The following ERAP1 variants were observed in gnomAD, a reference collection of about 807,000 sequenced individuals.
The protein encoded by ERAP1 is endoplasmic reticulum aminopeptidase 1, also known as adipocyte-derived leucine aminopeptidase.
Under a neutral mutation model 103.7 loss-of-function variants are expected in ERAP1, and 86 were observed. The ratio of observed to expected loss-of-function variants is 0.83; its 90% CI spans 0.70 to 0.99. The LOEUF is 0.99. Among genes scored for constraint, ERAP1 ranks in the 50% least tolerant of loss-of-function variants. The pLI, the probability that ERAP1 is intolerant of heterozygous loss-of-function variation, is 0.00. For missense variants in ERAP1, 1,009 were observed against 1,128.4 expected (o/e 0.89, Z 1.52); for synonymous variants, 398 against 402.4 (o/e 0.99, Z 0.13).
At chr5:96,840,300 T>C in the ERAP1 span, among the ~76,000 whole-genome samples, 1 of 152,210 alleles carries the variant, frequency 6.6e-6, no homozygotes, top group Non-Finnish European at 1.5e-5. Context: ...TTACAGTTCA[T>C]CAGCCCCAGA....
chr5:96,801,602 T>C (rs1478803670), intron 2 of ERAP1, among the ~76,000 whole-genome samples: 1 of 151,896 alleles, frequency 6.6e-6, no homozygotes, highest in Non-Finnish European at 1.5e-5. Context: ...ACCTGTAATC[T>C]TGGCACTTTG....
chr5:96,811,786 C>A (rs540571663), upstream of ERAP1, among the ~76,000 whole-genome samples: 5 of 152,320 alleles, frequency 3.3e-5, no homozygotes, highest in South Asian at 1.0e-3. Flanking sequence ...ATTCTAGGTG[C>A]CACGAGGACT....
intron 17 of ERAP1, 32 bp from the exon 18 acceptor site, chr5:96,780,536 G>T: frequency 6.6e-7 from 1 of 1,504,606 alleles, no homozygotes; most frequent in Non-Finnish European, 9.3e-7. Context: ...AACGGGTTGT[G>T]AAATACTTAT....
the ERAP1 span, among the ~76,000 whole-genome samples, chr5:96,837,737 T>C: frequency 2.6e-5 from 4 of 152,212 alleles, no homozygotes; most frequent in African/African-American, 9.7e-5. Flanking sequence ...TTCGCACCTG[T>C]GCCAGAGTTC....
At chr5:96,830,114 T>C in the ERAP1 span, among the ~76,000 whole-genome samples, 2 of 152,120 alleles carry the variant, frequency 1.3e-5, no homozygotes, top group Non-Finnish European at 2.9e-5. Flanking sequence ...GGGACCCTGG[T>C]AAATATCTCA....
At chr5:96,860,422 T>G in the ERAP1 span, among the ~76,000 whole-genome samples, 2 of 152,170 alleles carry the variant, frequency 1.3e-5, no homozygotes, top group Admixed American at 6.5e-5. Context: ...TAATTATATT[T>G]ATAATGATAA....
the ERAP1 span, among the ~76,000 whole-genome samples, chr5:96,869,545 G>A: frequency 6.6e-6 from 1 of 152,222 alleles, no homozygotes; most frequent in South Asian, 2.1e-4. Context: ...TTATAGAAAA[G>A]GATGGTAGAA....
chr5:96,854,516 T>C, the ERAP1 span, among the ~76,000 whole-genome samples: 1 of 152,168 alleles, frequency 6.6e-6, no homozygotes, highest in Non-Finnish European at 1.5e-5. Context: ...AAATGCCAAG[T>C]ATAGGCATCT....
the ERAP1 span, among the ~76,000 whole-genome samples, chr5:96,908,632 T>C: frequency 1.3e-5 from 2 of 152,234 alleles, no homozygotes; most frequent in Non-Finnish European, 2.9e-5. Flanking sequence ...TATTGGCTAA[T>C]ATTTATTTCA....
chr5:96,905,944 ATTTTTTT>A, the ERAP1 span, among the ~76,000 whole-genome samples: 1 of 139,602 alleles, frequency 7.2e-6, no homozygotes, highest in Non-Finnish European at 1.5e-5. Flanking sequence ...TTTCTTTTTA[ATTTTTTT>A]TTTTTTTTGT....
intron 3 of ERAP1, among the ~76,000 whole-genome samples, chr5:96,798,141 CG>C (rs1777553155): frequency 6.6e-6 from 1 of 151,788 alleles, no homozygotes; most frequent in Non-Finnish European, 1.5e-5. Context: ...CTGGCTAACA[CG>C]GTGGAACCCC....
chr5:96,878,978 G>A, the ERAP1 span, among the ~76,000 whole-genome samples: 1 of 152,098 alleles, frequency 6.6e-6, no homozygotes, highest in Non-Finnish European at 1.5e-5. Context: ...AGTGGCTCAC[G>A]CTTGTAATCC....
chr5:96,782,453 A>C, intron 15 of ERAP1, among the ~76,000 whole-genome samples: 1 of 152,360 alleles, frequency 6.6e-6, no homozygotes, highest in East Asian at 1.9e-4. Context: ...ATAGGGGATC[A>C]CCTTTCAAGC....
chr5:96,800,971 G>C lies in ERAP1; in HGVS notation c.554C>G (p.Thr185Ser). ...RILASTQFEP[T>S]AARMAFPCFD... ...GCAGGGAAAGGCCATTCTAGCTGCAGTGGGTTCAAATTGTGTTGATGCTAG... is the reference window on the plus strand; with the variant it reads ...GCAGGGAAAGGCCATTCTAGCTGCACTGGGTTCAAATTGTGTTGATGCTAG... Residue 185 changes from threonine to serine, a missense_variant, in exon 3 of 19, where the codon ACT becomes AGT. Transcript: ENST00000443439. The C allele has an allele frequency of 1.2e-6, 2 of 1,614,166 alleles. No individual in the cohort carries two copies. Among genetic ancestry groups the C allele is most frequent in the Non-Finnish European group, 1.7e-6 (2 of 1,180,040 alleles).
chr5:96,792,343 A>G lies in ERAP1; in HGVS notation c.1189-151T>C, dbSNP rs1250621818. 5 of 683,482 alleles carry G rather than the reference A, an allele frequency of 7.3e-6. No individual in the cohort carries two copies. In the Admixed American group the frequency reaches 1.1e-4, roughly 14 times the overall value. 42.3% of individuals were successfully genotyped at this position (683,482 alleles called of 1,614,324 possible). A position where few individuals can be genotyped will look rare whatever the true frequency, so the allele number is the denominator to read the frequency against. ...TTTCCTAATATTTATGAAACAAAAT[A>G]GAATTAATATATTCTAAAAGCTACC... On this transcript the variant is annotated intron_variant, in intron 7 of 18. Coordinates refer to ENST00000443439, the MANE Select transcript of ERAP1 (RefSeq NM_001040458.3).
chr5:96,901,843 C>T, the ERAP1 span, among the ~76,000 whole-genome samples: 1 of 152,202 alleles, frequency 6.6e-6, no homozygotes, highest in East Asian at 1.9e-4. Flanking sequence ...CTTCATATAA[C>T]CCGGACTTCT....
the ERAP1 span, among the ~76,000 whole-genome samples, chr5:96,851,421 T>G: frequency 3.9e-5 from 6 of 152,212 alleles, no homozygotes; most frequent in East Asian, 1.2e-3. Context: ...CTGGGAGAAA[T>G]AAAAATCTCG....
chr5:96,872,396 C>T, the ERAP1 span, among the ~76,000 whole-genome samples: 4,634 of 149,932 alleles, frequency 0.031, 102 homozygotes, highest in Middle Eastern at 0.11. Context: ...CTCAGGAGTT[C>T]GAAATCAACC....
the ERAP1 span, among the ~76,000 whole-genome samples, chr5:96,813,503 T>A: frequency 0.66 from 100,068 of 151,178 alleles, 33,488 homozygotes; most frequent in Non-Finnish European, 0.72. Flanking sequence ...AATACAAAAA[T>A]TTAGCCTGGC....
Sources: gnomAD v4.1 joint callset for allele counts (sites outside exome capture counted in the v4.1 genomes callset) on GRCh38, gnomAD v4.1.1 for gene constraint, MANE v1.5 for transcripts, NCBI Gene and HGNC (gene_info 2026-07-23, HGNC 2026-07-21) for gene names.